The following ASPG variants were observed in gnomAD, a reference collection of about 807,000 sequenced individuals.
The protein encoded by ASPG is asparaginase, also known as 60 kDa lysophospholipase.
In ASPG, 53 loss-of-function variants were observed where a neutral mutation model predicts 63.2. The ratio of observed to expected loss-of-function variants is 0.84; its 90% CI spans 0.67 to 1.05. ASPG has a LOEUF of 1.05. ASPG is among the 50% of genes least tolerant of loss of function. The pLI, the probability that ASPG is intolerant of heterozygous loss-of-function variation, is 0.00. For synonymous variants in ASPG, 370 were observed against 355.0 expected (o/e 1.04, Z -0.48); for missense variants, 741 against 794.4 (o/e 0.93, Z 0.81).
rs2036205620 is a variant in ASPG, at chr14:104,085,792, G to A, written c.22G>A (p.Glu8Lys). MARAVGP[E>K]RRLLAVYTGG... ...CGGCATGGCGCGCGCGGTGGGGCCC[G>A]AGCGGAGGCTGCTGGCCGTCTACAC... The change falls in exon 1 of 16, where the codon GAG (glutamate) becomes AAG (lysine). Residue 8 changes from glutamate (E) to lysine (K), a missense_variant. Transcript: ENST00000551177. 4 of 1,588,582 alleles carry A rather than the reference G, an allele frequency of 2.5e-6. No homozygotes were observed. The highest frequency in any genetic ancestry group is 2.6e-6 in the Non-Finnish European group (3 of 1,173,924).
chr14:104,112,791 T>A lies in ASPG; in HGVS notation c.*247T>A. 2 of 802,136 alleles carry A rather than the reference T, an allele frequency of 2.5e-6. No individual in the cohort carries two copies. The highest frequency in any genetic ancestry group is 3.6e-5 in the South Asian group (2 of 55,132). The allele number at this position is 802,136 out of a possible 1,614,324, so 49.7% of individuals were successfully genotyped here. A position where few individuals can be genotyped will look rare whatever the true frequency, so the allele number is the denominator to read the frequency against. ...TGTGTGGGGAGTCAGGCCCAGGCTC[T>A]GTGGGGTCTCTGCGGGGGTCACTTG... On this transcript the variant is annotated 3_prime_UTR_variant, in exon 16 of 16. Transcript: ENST00000551177.
At chr14:104,095,497 G>A (rs1029485061) in intron 3 of ASPG, 34 bp from the exon 4 acceptor site, 1 of 1,611,252 alleles carries the variant, frequency 6.2e-7, no homozygotes, top group African/African-American at 1.3e-5. Context: ...GCTTGCGAGG[G>A]GCTGGCCTGC....
At chr14:104,102,733 C>T (rs375459578) in intron 6 of ASPG, among the ~76,000 whole-genome samples, 8 of 152,256 alleles carry the variant, frequency 5.3e-5, no homozygotes, top group African/African-American at 1.2e-4. Flanking sequence ...CCACATGGAG[C>T]GGGAAAGTCG....
At position 104,090,519 on chromosome 14, in the gene ASPG, G is replaced by T. The variant is rs75276801; in HGVS notation, c.83-2114G>T. ...AGGGGTTTCCCCGGGCTGAGCCAAG[G>T]TGCTGCAGGGCACCGCTCCGTCCTG... On this transcript the variant is annotated intron_variant, in intron 1 of 15. Coordinates refer to ENST00000551177, the MANE Select transcript of ASPG (RefSeq NM_001080464.3). Among the ~76,000 whole-genome samples the T allele has an allele frequency of 7.0e-3, 1,068 of 152,396 alleles. 9 individuals are homozygous for T. The highest frequency in any genetic ancestry group is 0.024 in the African/African-American group (1,008 of 41,596).
At chr14:104,100,348 C>G (rs939484599) in intron 6 of ASPG, among the ~76,000 whole-genome samples, 1 of 152,118 alleles carries the variant, frequency 6.6e-6, no homozygotes, top group South Asian at 2.1e-4. Context: ...GAGGCAGCGT[C>G]TTTGGATCTC....
At chr14:104,107,052 C>T (rs1297752624) in intron 11 of ASPG, 130 bp from the exon 12 acceptor site, 42 of 1,346,926 alleles carry the variant, frequency 3.1e-5, no homozygotes, top group Non-Finnish European at 4.2e-5. Context: ...TGTCAGGTCT[C>T]ACTGAGGCTT....
chr14:104,106,997 A>G, intron 11 of ASPG, 103 bp downstream of exon 11: 1 of 1,333,290 alleles, frequency 7.5e-7, no homozygotes, highest in Non-Finnish European at 1.0e-6. Flanking sequence ...TGACCACACT[A>G]AGCCCTTGTC....
chr14:104,096,599 G>A (rs1186292191), intron 4 of ASPG, among the ~76,000 whole-genome samples: 1 of 152,212 alleles, frequency 6.6e-6, no homozygotes, highest in Non-Finnish European at 1.5e-5. Flanking sequence ...CGAGCCCTGG[G>A]GGAGCAGAAC....
In ASPG at chr14:104,091,627, T is replaced by C. The variant is rs1205390902; in HGVS notation, c.83-1006T>C. Among the ~76,000 whole-genome samples, 3 of 151,814 alleles carry C rather than the reference T, an allele frequency of 2.0e-5. No homozygotes were observed. The highest frequency in any genetic ancestry group is 7.3e-5 in the African/African-American group (3 of 41,296). On this transcript the variant is annotated intron_variant, in intron 1 of 15. Transcript: ENST00000551177. This position sits in a 1 kb window ranked among gnomAD's most constrained non-coding sequence, Gnocchi z 6.4. ...GTGGAGACCAGGGTGAGCCCAGCAG[T>C]GGAGGGCGATGTCAGGGAGGGGTGC... is the stretch of plus-strand genomic sequence containing the variant.
rs186896506 is a variant in ASPG at position 104,095,060 on chromosome 14, C to T, written c.304-471C>T. 1.1e-4 allele frequency among the ~76,000 whole-genome samples: 16 copies of T among 152,328 alleles called. No homozygotes were observed. The East Asian group carries it at 3.1e-3, about 29-fold the overall frequency. Reference sequence around the variant, plus strand: ...GCCCTTCGGTGTCCTGCCCGGCCGCCCAGGTCCAGATCCAGGCAACCTCCA... The same window carrying T: ...GCCCTTCGGTGTCCTGCCCGGCCGCTCAGGTCCAGATCCAGGCAACCTCCA... On this transcript the variant is annotated intron_variant, in intron 3 of 15. Transcript: ENST00000551177.
intron 2 of ASPG, chr14:104,092,985 G>C: frequency 1.8e-6 from 1 of 553,890 alleles, no homozygotes; most frequent in Non-Finnish European, 3.2e-6. Context: ...CCCCAGCCAG[G>C]CTGCTTCGGC....
chr14:104,105,529 GCACGAGCCCCTGTAGCCATCA>G (rs2037084613), intron 10 of ASPG, 79 bp downstream of exon 10: 4 of 1,460,594 alleles, frequency 2.7e-6, no homozygotes. Context: ...CACCAGGCAG[GCACGAGCCCCTGTAGCCATCA>G]CTCGAGCCCA....
At position 104,113,017 on chromosome 14, in the gene ASPG, C is replaced by A; in HGVS notation, c.*473C>A. The A allele has an allele frequency of 4.4e-6, 1 of 225,402 alleles. No individual in the cohort carries two copies. Among genetic ancestry groups the A allele is most frequent in the Non-Finnish European group, 8.9e-6 (1 of 112,082 alleles). 14.0% of individuals were successfully genotyped at this position (225,402 alleles called of 1,614,324 possible). A position where few individuals can be genotyped will look rare whatever the true frequency, so the allele number is the denominator to read the frequency against. Reference sequence around the variant, plus strand: ...CATTCTGGAGCTTGAAGTCCCCTCCCCCAGGCAGCCCTCCAACCCCTGGAT... The same window carrying A: ...CATTCTGGAGCTTGAAGTCCCCTCCACCAGGCAGCCCTCCAACCCCTGGAT... On this transcript the variant is annotated 3_prime_UTR_variant, in exon 16 of 16. Coordinates refer to ENST00000551177, the MANE Select transcript of ASPG (RefSeq NM_001080464.3).
At position 104,112,070 on chromosome 14, in the gene ASPG, G is replaced by C. The variant is rs540976321; in HGVS notation, c.1701+70G>C. The C allele has an allele frequency of 3.2e-4, 452 of 1,414,260 alleles. No individual in the cohort carries two copies. The African/African-American group carries it at 5.5e-3, about 17-fold the overall frequency. 87.6% of individuals were successfully genotyped at this position (1,414,260 alleles called of 1,614,324 possible). A position where few individuals can be genotyped will look rare whatever the true frequency, so the allele number is the denominator to read the frequency against. On this transcript the variant is annotated intron_variant, in intron 15 of 15. Transcript: ENST00000551177. ...CTAGTGCAGGGCTGGATCCTGGCTCGGGGGGGCGTAATCAAGGGGAACAGA... is the reference window on the plus strand; with the variant it reads ...CTAGTGCAGGGCTGGATCCTGGCTCCGGGGGGCGTAATCAAGGGGAACAGA...
intron 9 of ASPG, chr14:104,104,987 T>C (rs1310731343): frequency 3.5e-6 from 2 of 576,958 alleles, no homozygotes; most frequent in Non-Finnish European, 6.1e-6. Flanking sequence ...CATGGAGACC[T>C]GAGGCTCCCC....
At chr14:104,111,277 G>A (rs148545382) in intron 13 of ASPG, 63 of 857,620 alleles carry the variant, frequency 7.3e-5, no homozygotes, top group Middle Eastern at 5.9e-4. Context: ...GTATGTTTGC[G>A]CATGTGTACC....
chr14:104,099,590 G>A (rs369349466), intron 6 of ASPG, among the ~76,000 whole-genome samples: 35 of 152,324 alleles, frequency 2.3e-4, no homozygotes, highest in South Asian at 6.2e-4. Context: ...CCGTCGCTCC[G>A]TCTGGGGTGT....
chr14:104,098,855 C>G lies in ASPG; in HGVS notation c.516C>G (p.Val172=), dbSNP rs777491987. 9 of 1,612,774 alleles carry G rather than the reference C, an allele frequency of 5.6e-6. No homozygotes were observed. Among genetic ancestry groups the G allele is most frequent in the Non-Finnish European group, 7.6e-6 (9 of 1,179,664 alleles). The change falls in exon 6 of 16, where the codon GTC becomes GTG. Residue 172 remains valine, a splice_region_variant and synonymous_variant. Coordinates refer to ENST00000551177, the MANE Select transcript of ASPG (RefSeq NM_001080464.3). ...ACTCTGTCGCTCCGTTCCCGCAGGT[C>G]TGCCTTTTCTTCCAGAATCAGCTGT... The part of the protein sequence containing the change: ...LMAGQYVIPE[V]CLFFQNQLFR...
At chr14:104,108,449 C>T in intron 12 of ASPG, 1 of 985,436 alleles carries the variant, frequency 1.0e-6, no homozygotes, top group South Asian at 4.7e-5. Flanking sequence ...GCTCCGCTGC[C>T]AGGCTCCCTG....
Sources: gnomAD v4.1 joint callset for allele counts (sites outside exome capture counted in the v4.1 genomes callset) on GRCh38, gnomAD v4.1.1 for gene constraint, Gnocchi (gnomAD v3.1) non-coding constraint, MANE v1.5 for transcripts, NCBI Gene and HGNC (gene_info 2026-07-23, HGNC 2026-07-21) for gene names.